The following QPRT variants were observed in gnomAD, a reference collection of about 807,000 sequenced individuals.
QPRT encodes the protein nicotinate-nucleotide pyrophosphorylase [carboxylating].
QPRT carries 17 observed loss-of-function variants against 19.8 expected under a neutral mutation model. That is an observed-to-expected ratio of 0.86 (90% CI 0.59 to 1.29). The LOEUF (loss-of-function observed/expected upper bound fraction) is 1.29, where lower values mean the gene tolerates loss of function less well. Among genes scored for constraint, QPRT ranks in the 50% most tolerant of loss-of-function variants. QPRT has a pLI of 0.00. For synonymous variants in QPRT, 178 were observed against 191.0 expected, an observed-to-expected ratio of 0.93 and a Z score of 0.56; for missense variants, 336 against 405.1, an observed-to-expected ratio of 0.83 and a Z score of 1.46.
chr16:29,683,620 A>G (rs1967077371), intron 1 of QPRT, among the ~76,000 whole-genome samples: 1 of 152,016 alleles, frequency 6.6e-6, no homozygotes, highest in African/African-American at 2.4e-5. Flanking sequence ...CGGCCTCCCA[A>G]AGTGTTGGGA....
intron 1 of QPRT, among the ~76,000 whole-genome samples, chr16:29,680,139 A>G (rs1399324409): frequency 2.6e-5 from 4 of 151,804 alleles, no homozygotes; most frequent in African/African-American, 9.7e-5. Context: ...TTGTATTTTT[A>G]GTAGAGACGG....
chr16:29,683,400 G>A (rs1242943479), intron 1 of QPRT, among the ~76,000 whole-genome samples: 1 of 151,704 alleles, frequency 6.6e-6, no homozygotes, highest in Non-Finnish European at 1.5e-5. Context: ...CTGTTGCCTA[G>A]GCCAGAGTGC....
At chr16:29,695,659 T>C (rs1319116610) in intron 2 of QPRT, 10 of 154,826 alleles carry the variant, frequency 6.5e-5, no homozygotes, top group African/African-American at 2.2e-4. Flanking sequence ...CCGGCTAATT[T>C]TTGTATTTTT....
chr16:29,684,211 C>G (rs1316850965), intron 1 of QPRT, among the ~76,000 whole-genome samples: 1 of 152,172 alleles, frequency 6.6e-6, no homozygotes, highest in East Asian at 1.9e-4. Context: ...CCTCCAACTC[C>G]TGGACTCAAG....
intron 1 of QPRT, among the ~76,000 whole-genome samples, chr16:29,689,140 G>A (rs1967251010): frequency 6.7e-6 from 1 of 149,976 alleles, no homozygotes; most frequent in South Asian, 2.1e-4. Context: ...TGTCACCCAG[G>A]ATGGATTGCA....
chr16:29,679,529 G>A (rs1966928549), intron 1 of QPRT, among the ~76,000 whole-genome samples: 1 of 151,988 alleles, frequency 6.6e-6, no homozygotes, highest in Non-Finnish European at 1.5e-5. Context: ...TGGGAGGCTG[G>A]TTGGGGGAGC....
chr16:29,697,206 A>T lies in QPRT; in HGVS notation c.689A>T (p.His230Leu). 6.2e-7 allele frequency: 1 copy of T among 1,609,168 alleles called. No individual in the cohort carries two copies. Among genetic ancestry groups the T allele is most frequent in the Non-Finnish European group, 8.5e-7 (1 of 1,176,744 alleles). The change falls in exon 4 of 4, where the codon CAC becomes CTC. Residue 230 changes from histidine to leucine, a missense_variant. Physicochemically the swap from His to Leu is moderately conservative, Grantham distance 99. Transcript: ENST00000395384. This position sits in a 1 kb window ranked among gnomAD's most constrained non-coding sequence, Gnocchi z 4.4. ...LLDNFKPEEL[H>L]PTATVLKAQF... is the part of the protein sequence containing the mutation. ...TTGGCTTGTGTCCCGCAGGAGCTGCACCCCACGGCCACCGTGCTGAAGGCC... is the reference window on the plus strand; with the variant it reads ...TTGGCTTGTGTCCCGCAGGAGCTGCTCCCCACGGCCACCGTGCTGAAGGCC...
At chr16:29,679,048 G>C, upstream of QPRT, 2 of 1,392,646 alleles carry the variant, frequency 1.4e-6, no homozygotes, top group Non-Finnish European at 2.0e-6. Context: ...GCCTGGCAGA[G>C]GACAGGAGGG....
rs1346160014 is a variant in QPRT, at chr16:29,695,152, G to A, written c.502G>A (p.Val168Met). The A allele has an allele frequency of 6.3e-7, 1 of 1,575,458 alleles. No homozygotes were observed. The highest frequency in any genetic ancestry group is 1.2e-5 in the South Asian group (1 of 86,556). Residue 168 changes from valine (V) to methionine (M), a missense_variant, in exon 2 of 4, where the codon GTG becomes ATG. By Grantham distance (21) the Val-to-Met change is conservative (BLOSUM62 1). Coordinates refer to ENST00000395384, the MANE Select transcript of QPRT (RefSeq NM_014298.6). ...ASHRYDLGGL[V>M]MVKDNHVVAA... is the part of the protein sequence containing the mutation. ...GCACCGCTACGACCTGGGAGGGCTG[G>A]TGATGGTGAAGGATAACCATGTGGT...
At chr16:29,692,451 G>T (rs1325460942) in intron 1 of QPRT, among the ~76,000 whole-genome samples, 9 of 151,812 alleles carry the variant, frequency 5.9e-5, no homozygotes, top group Non-Finnish European at 1.3e-4. Flanking sequence ...CGTGGTGGTG[G>T]GCGCCTGTAG....
In QPRT at chr16:29,697,189, T is replaced by C; in HGVS notation, c.682-10T>C. 6.2e-7 allele frequency: 1 copy of C among 1,603,108 alleles called. No homozygotes were observed. The highest frequency in any genetic ancestry group is 1.1e-5 in the South Asian group (1 of 90,350). ...TGGGCTCTTACCTCCCCTTGGCTTG[T>C]GTCCCGCAGGAGCTGCACCCCACGG... On this transcript the variant is annotated splice_polypyrimidine_tract_variant and intron_variant, in intron 3 of 3. Coordinates refer to ENST00000395384, the MANE Select transcript of QPRT (RefSeq NM_014298.6). The surrounding 1 kb of genome is among the most constrained non-coding windows in gnomAD (Gnocchi z 4.4).
chr16:29,687,721 T>C (rs192272320), intron 1 of QPRT, among the ~76,000 whole-genome samples: 268 of 151,880 alleles, frequency 1.8e-3, no homozygotes, highest in African/African-American at 6.2e-3. Flanking sequence ...GTCCATCCCT[T>C]TTCCATTGCA....
At chr16:29,692,105 G>C (rs1967358314) in intron 1 of QPRT, among the ~76,000 whole-genome samples, 1 of 152,186 alleles carries the variant, frequency 6.6e-6, no homozygotes, top group Non-Finnish European at 1.5e-5. Flanking sequence ...CACGGATGGC[G>C]GGGGTCCATT....
chr16:29,695,046 G>A lies in QPRT; in HGVS notation c.396G>A (p.Gly132=), dbSNP rs1967481636. Residue 132 remains glycine (G), a synonymous_variant, in exon 2 of 4, where the codon GGG becomes GGA. Transcript: ENST00000395384. Reference sequence around the variant, plus strand: ...CCGCCAGGGGGGCCGGCTGGACTGGGCACGTGGCAGGCACGAGGAAGACCA... The same window carrying A: ...CCGCCAGGGGGGCCGGCTGGACTGGACACGTGGCAGGCACGAGGAAGACCA... The part of the protein sequence containing the change: ...VEAARGAGWT[G]HVAGTRKTTP... The A allele has an allele frequency of 1.2e-6, 2 of 1,605,544 alleles. No individual in the cohort carries two copies. Among genetic ancestry groups the A allele is most frequent in the East Asian group, 4.5e-5 (2 of 44,834 alleles).
intron 1 of QPRT, among the ~76,000 whole-genome samples, chr16:29,687,127 C>T (rs1001504957): frequency 2.0e-5 from 3 of 152,180 alleles, no homozygotes; most frequent in Admixed American, 6.6e-5. Flanking sequence ...TTAAACATCA[C>T]TTCCTCAGCA....
In QPRT at chr16:29,686,102, G is replaced by A. The variant is rs9939927; in HGVS notation, c.13+6892G>A. ...CTCGAACTCCTGACCTCAGGTGATC[G>A]GCCCACCTCGGCCTCCCAAAGTGCT... On this transcript the variant is annotated intron_variant, in intron 1 of 3. Coordinates refer to ENST00000395384, the MANE Select transcript of QPRT (RefSeq NM_014298.6). Among the ~76,000 whole-genome samples the A allele has an allele frequency of 3.7e-4, 56 of 152,020 alleles. No individual in the cohort carries two copies. In the East Asian group the frequency reaches 7.0e-3, roughly 19 times the overall value.
At chr16:29,681,756 C>T (rs928201824) in intron 1 of QPRT, among the ~76,000 whole-genome samples, 1 of 148,168 alleles carries the variant, frequency 6.7e-6, no homozygotes, top group African/African-American at 2.5e-5. Flanking sequence ...TGGAGTCTGA[C>T]TCTGTCACCA....
chr16:29,683,408 T>A (rs1596786361), intron 1 of QPRT, among the ~76,000 whole-genome samples: 1 of 151,772 alleles, frequency 6.6e-6, no homozygotes, highest in Non-Finnish European at 1.5e-5. Flanking sequence ...TAGGCCAGAG[T>A]GCAGTAGCTC....
intron 1 of QPRT, among the ~76,000 whole-genome samples, chr16:29,687,796 T>C (rs1967205435): frequency 6.9e-6 from 1 of 145,694 alleles, no homozygotes; most frequent in South Asian, 2.2e-4. Flanking sequence ...AAGAAAAAAA[T>C]GTTTAAAAGC....
Sources: gnomAD v4.1 joint callset for allele counts (sites outside exome capture counted in the v4.1 genomes callset) on GRCh38, gnomAD v4.1.1 for gene constraint, Gnocchi (gnomAD v3.1) non-coding constraint, MANE v1.5 for transcripts, NCBI Gene and HGNC (gene_info 2026-07-23, HGNC 2026-07-21) for gene names.